NID2: variants seen among roughly 807,000 people sequenced by gnomAD.
NID2 encodes nidogen 2, also known as nidogen-2.
In NID2, 83 loss-of-function variants were observed where a neutral mutation model predicts 145.4. That is an observed-to-expected ratio of 0.57 (90% CI 0.48 to 0.69). The LOEUF (loss-of-function observed/expected upper bound fraction) is 0.69, where lower values mean the gene tolerates loss of function less well. Among genes scored for constraint, NID2 ranks in the 30% least tolerant of loss-of-function variants. NID2 has a pLI of 0.00. For missense variants in NID2, 1,807 were observed against 1,765.7 expected (o/e 1.02, Z -0.42); for synonymous variants, 739 against 701.3 (o/e 1.05, Z -0.85).
At chr14:52,059,230 A>T (rs908915389) in intron 3 of NID2, among the ~76,000 whole-genome samples, 1 of 152,200 alleles carries the variant, frequency 6.6e-6, no homozygotes, top group Admixed American at 6.5e-5. Context: ...AATAAATGTC[A>T]GCTCTGAGTA....
chr14:52,068,785 G>A lies in NID2; in HGVS notation c.210C>T (p.Ala70=), dbSNP rs768485621. Residue 70 remains alanine (A), a synonymous_variant, in exon 1 of 22, where the codon GCC becomes GCT. Transcript: ENST00000216286. The stretch of plus-strand genomic sequence containing the variant: ...AACTTACGTAGAGGTTGCTGAATCG[G>A]GCTTCGTAGAAGTGCAGGGGATTCG... ...KLANPLHFYE[A]RFSNLYVGTN... 1 of 1,605,360 alleles carries A rather than the reference G, an allele frequency of 6.2e-7. No homozygotes were observed.
At chr14:52,014,693 C>G (rs184218224) in intron 15 of NID2, among the ~76,000 whole-genome samples, 39 of 150,862 alleles carry the variant, frequency 2.6e-4, no homozygotes, top group Non-Finnish European at 4.4e-4. Flanking sequence ...TCCCTCAGAA[C>G]AAAGCAGAAC....
intron 16 of NID2, among the ~76,000 whole-genome samples, chr14:52,013,164 A>G (rs1891094479): frequency 6.6e-6 from 1 of 152,244 alleles, no homozygotes; most frequent in Non-Finnish European, 1.5e-5. Context: ...CAGTTTAAGT[A>G]AATTTCCTTA....
chr14:52,012,898 C>T (rs1445399722), intron 16 of NID2, among the ~76,000 whole-genome samples: 3 of 152,174 alleles, frequency 2.0e-5, no homozygotes, highest in African/African-American at 7.2e-5. Flanking sequence ...TGCCTAACAG[C>T]CTCCTGGGGC....
chr14:52,067,849 G>A lies in NID2; in HGVS notation c.534+9C>T. On this transcript the variant is annotated intron_variant, in intron 2 of 21. Coordinates refer to ENST00000216286, the MANE Select transcript of NID2 (RefSeq NM_007361.4). Reference sequence around the variant, plus strand: ...TTTCCTCAGCAGTCAAATATCCCTGGTCACTTACCTCTCCCGAGGGCAGCG... The same window carrying A: ...TTTCCTCAGCAGTCAAATATCCCTGATCACTTACCTCTCCCGAGGGCAGCG... The A allele has an allele frequency of 6.2e-7, 1 of 1,611,072 alleles. No individual in the cohort carries two copies.
chr14:52,038,137 A>G (rs1220738179), intron 9 of NID2, among the ~76,000 whole-genome samples: 1 of 152,214 alleles, frequency 6.6e-6, no homozygotes, highest in Non-Finnish European at 1.5e-5. Context: ...ACTGAATTGA[A>G]TAAAAGTGGC....
chr14:52,045,063 C>G (rs74049377), intron 5 of NID2, among the ~76,000 whole-genome samples: 6,743 of 152,224 alleles, frequency 0.044, 180 homozygotes, highest in Middle Eastern at 0.078. Context: ...CTACTCTCCA[C>G]GACCCCTTCA....
At chr14:52,013,720 C>T (rs571895550) in intron 16 of NID2, among the ~76,000 whole-genome samples, 33 of 152,256 alleles carry the variant, frequency 2.2e-4, no homozygotes, top group African/African-American at 7.2e-4. Flanking sequence ...AAGGCTCCAT[C>T]CACTCCTCTC....
Position 52,005,475 on chromosome 14 carries a change from C to CATTACTGTA in NID2, c.*2_*10dup, listed in dbSNP as rs774711739. The CATTACTGTA allele has an allele frequency of 1.9e-6, 3 of 1,590,544 alleles. No homozygotes were observed. The highest frequency in any genetic ancestry group is 2.6e-6 in the Non-Finnish European group (3 of 1,170,736). On this transcript the variant is annotated 3_prime_UTR_variant, in exon 22 of 22. Coordinates refer to ENST00000216286, the MANE Select transcript of NID2 (RefSeq NM_007361.4). ...ATTGTAAACTCCAAGTCTTCCTTTACATTACTGTACTTACTTTCTTCCTGT... is the reference window on the plus strand; with the variant it reads ...ATTGTAAACTCCAAGTCTTCCTTTACATTACTGTAATTACTGTACTTACTTTCTTCCTGT...
At chr14:52,014,734 G>C (rs959996077) in intron 15 of NID2, among the ~76,000 whole-genome samples, 2 of 151,208 alleles carry the variant, frequency 1.3e-5, no homozygotes, top group Non-Finnish European at 2.9e-5. Flanking sequence ...AAAAAAAACA[G>C]AGCCAGCATT....
intron 3 of NID2, among the ~76,000 whole-genome samples, chr14:52,056,601 G>T (rs1383241649): frequency 6.6e-6 from 1 of 152,062 alleles, no homozygotes; most frequent in African/African-American, 2.4e-5. Flanking sequence ...TTCAAGACCA[G>T]CCTGGCCAAC....
chr14:52,069,026 A>G lies in NID2; in HGVS notation c.-32T>C. ...TCGGCCGTGCGCTTACCCGCTGCAC[A>G]ACGCGTCCCGCCCCGGCCTCCAGCC... On this transcript the variant is annotated 5_prime_UTR_variant, in exon 1 of 22. Transcript: ENST00000216286. 2 of 1,537,094 alleles carry G rather than the reference A, an allele frequency of 1.3e-6. No homozygotes were observed. Among genetic ancestry groups the G allele is most frequent in the Non-Finnish European group, 1.8e-6 (2 of 1,124,682 alleles).
rs1302249056 is a variant in NID2, at chr14:52,066,553, C to T, written c.534+1305G>A. ...GTATTGCATGCCTGTACCAAAACAT[C>T]CCATGTACCCCATAAATATATACAC... On this transcript the variant is annotated intron_variant, in intron 2 of 21. Coordinates refer to ENST00000216286, the MANE Select transcript of NID2 (RefSeq NM_007361.4). Among the ~76,000 whole-genome samples, 2 of 152,076 alleles carry T rather than the reference C, an allele frequency of 1.3e-5. 1 individual carries two copies. Among genetic ancestry groups the T allele is most frequent in the East Asian group, 3.9e-4 (2 of 5,194 alleles).
chr14:52,011,510 T>C (rs1411413772), intron 17 of NID2, 44 bp downstream of exon 17: 3 of 1,612,074 alleles, frequency 1.9e-6, no homozygotes, highest in Admixed American at 3.3e-5. Context: ...CAAGTGACTT[T>C]GTAGAATCAA....
intron 5 of NID2, 77 bp downstream of exon 5, chr14:52,053,502 A>C: frequency 1.4e-6 from 2 of 1,480,286 alleles, no homozygotes; most frequent in South Asian, 2.7e-5. Flanking sequence ...TACCCACTTA[A>C]GAGAAAAATC....
chr14:52,056,768 G>C (rs752773909), intron 3 of NID2, among the ~76,000 whole-genome samples: 1 of 152,122 alleles, frequency 6.6e-6, no homozygotes, highest in Non-Finnish European at 1.5e-5. Flanking sequence ...CTCCAGCCTG[G>C]ATGACAGAAC....
intron 16 of NID2, chr14:52,011,905 A>G: frequency 9.9e-6 from 5 of 507,610 alleles, no homozygotes; most frequent in Non-Finnish European, 1.1e-5. Context: ...CGTTTGTCTC[A>G]TTTGCAAAAT....
intron 5 of NID2, among the ~76,000 whole-genome samples, chr14:52,045,420 G>C (rs1892451727): frequency 1.3e-5 from 2 of 152,178 alleles, no homozygotes. Context: ...TCAAGATTTA[G>C]TATAGGGCCT....
intron 2 of NID2, among the ~76,000 whole-genome samples, chr14:52,061,598 T>A (rs1231027210): frequency 1.3e-5 from 2 of 151,868 alleles, no homozygotes; most frequent in Non-Finnish European, 2.9e-5. Flanking sequence ...TTGGGAGGTG[T>A]CACAGAGGCA....
Sources: gnomAD v4.1 joint callset for allele counts (sites outside exome capture counted in the v4.1 genomes callset) on GRCh38, gnomAD v4.1.1 for gene constraint, MANE v1.5 for transcripts, NCBI Gene and HGNC (gene_info 2026-07-23, HGNC 2026-07-21) for gene names.